The following SORCS3 variants were observed in gnomAD, a reference collection of about 807,000 sequenced individuals.
SORCS3 encodes the protein VPS10 domain-containing receptor SorCS3.
In SORCS3, 57 loss-of-function variants were observed where a neutral mutation model predicts 146.3. That is an observed-to-expected ratio of 0.39 (90% confidence interval 0.31 to 0.49). The LOEUF (loss-of-function observed/expected upper bound fraction) is 0.49. SORCS3 is among the 20% of genes least tolerant of loss of function. The pLI is 0.92. For missense variants in SORCS3, 1,341 were observed against 1,575.5 expected (o/e 0.85, Z 2.52); for synonymous variants, 653 against 618.5 (o/e 1.06, Z -0.83).
Position 105,200,119 on chromosome 10 carries a change from A to T in SORCS3, c.2127+3A>T. 1.2e-6 allele frequency: 2 copies of T among 1,609,118 alleles called. No individual in the cohort carries two copies. Among genetic ancestry groups the T allele is most frequent in the Non-Finnish European group, 1.7e-6 (2 of 1,175,724 alleles). ...AGACCTGGCACCTGCTCAATCAGGT[A>T]CACACCCCAGGGAGTTGGAGTGCTG... On this transcript the variant is annotated splice_donor_region_variant and intron_variant, in intron 15 of 26. Transcript: ENST00000369701.
At chr10:104,851,966 T>A (rs2018278256) in intron 2 of SORCS3, among the ~76,000 whole-genome samples, 1 of 152,236 alleles carries the variant, frequency 6.6e-6, no homozygotes, top group South Asian at 2.1e-4. Flanking sequence ...CTGTGAGATT[T>A]CTTTATAAGA....
intron 20 of SORCS3, among the ~76,000 whole-genome samples, chr10:105,242,318 ATATT>A (rs1245711159): frequency 7.8e-6 from 1 of 128,510 alleles, no homozygotes; most frequent in Non-Finnish European, 1.6e-5. Flanking sequence ...ATTTATATAT[ATATT>A]TATACATATA....
intron 20 of SORCS3, among the ~76,000 whole-genome samples, chr10:105,237,310 T>C (rs2056798274): frequency 6.6e-6 from 1 of 152,164 alleles, no homozygotes; most frequent in South Asian, 2.1e-4. Context: ...TTGTTGGTAA[T>C]GTCTGAGTAA....
chr10:105,129,056 C>A (rs938416053), intron 7 of SORCS3, among the ~76,000 whole-genome samples: 4 of 152,060 alleles, frequency 2.6e-5, no homozygotes, highest in Admixed American at 6.6e-5. Flanking sequence ...GACCTTCCAC[C>A]TTTTCCCTTC....
chr10:104,648,219 C>T (rs536956098), intron 1 of SORCS3, among the ~76,000 whole-genome samples: 4 of 152,286 alleles, frequency 2.6e-5, no homozygotes, highest in Middle Eastern at 6.8e-3. Flanking sequence ...ACTGGAAGTG[C>T]ACTTGGGAAT....
chr10:105,135,803 C>T (rs2056055018), intron 7 of SORCS3, among the ~76,000 whole-genome samples: 1 of 152,180 alleles, frequency 6.6e-6, no homozygotes, highest in African/African-American at 2.4e-5. Flanking sequence ...CCTCTAATTT[C>T]CAATACCTTA....
chr10:104,815,907 A>G (rs1012010357), intron 1 of SORCS3, among the ~76,000 whole-genome samples: 1 of 152,148 alleles, frequency 6.6e-6, no homozygotes, highest in East Asian at 1.9e-4. Flanking sequence ...CCAGTTTTCA[A>G]TTTGTAGTAA....
At chr10:104,916,081 T>A in intron 3 of SORCS3, 149 bp downstream of exon 3, 1 of 625,620 alleles carries the variant, frequency 1.6e-6, no homozygotes. Flanking sequence ...CTGTTTGTAA[T>A]TCTAACAACA....
At chr10:105,031,709 T>G (rs1397830273) in intron 4 of SORCS3, among the ~76,000 whole-genome samples, 1 of 152,220 alleles carries the variant, frequency 6.6e-6, no homozygotes, top group Non-Finnish European at 1.5e-5. Context: ...ACCTTTTGTT[T>G]CTGCTTCTGC....
At chr10:104,752,679 C>A (rs2017002606) in intron 1 of SORCS3, among the ~76,000 whole-genome samples, 1 of 152,146 alleles carries the variant, frequency 6.6e-6, no homozygotes, top group South Asian at 2.1e-4. Flanking sequence ...AACTTCCTTT[C>A]ATCAGCGCTT....
intron 7 of SORCS3, among the ~76,000 whole-genome samples, chr10:105,126,292 G>T (rs1342838837): frequency 6.6e-6 from 1 of 152,022 alleles, no homozygotes; most frequent in Non-Finnish European, 1.5e-5. Context: ...TACCTCTCCT[G>T]GTACCAACAA....
chr10:105,057,021 C>T (rs1338526781), intron 5 of SORCS3, among the ~76,000 whole-genome samples: 1 of 152,064 alleles, frequency 6.6e-6, no homozygotes, highest in Non-Finnish European at 1.5e-5. Flanking sequence ...GCAGAATATT[C>T]CACTGAATTG....
At chr10:105,049,009 G>A (rs894760649) in intron 5 of SORCS3, among the ~76,000 whole-genome samples, 2 of 151,864 alleles carry the variant, frequency 1.3e-5, no homozygotes, top group African/African-American at 4.8e-5. Context: ...CATTTTTGAT[G>A]ATCATAAGTA....
chr10:104,766,491 A>AG (rs2017181074), intron 1 of SORCS3, among the ~76,000 whole-genome samples: 1 of 152,114 alleles, frequency 6.6e-6, no homozygotes, highest in Non-Finnish European at 1.5e-5. Context: ...TGGGAAGAGG[A>AG]GGGGCTGTGT....
intron 7 of SORCS3, among the ~76,000 whole-genome samples, chr10:105,114,741 A>G (rs2055882091): frequency 1.5e-5 from 2 of 133,452 alleles, no homozygotes; most frequent in South Asian, 4.8e-4. Flanking sequence ...GTGTAGATCC[A>G]TCTACTACCC....
At chr10:104,733,178 G>A (rs1021233746) in intron 1 of SORCS3, among the ~76,000 whole-genome samples, 1 of 152,124 alleles carries the variant, frequency 6.6e-6, no homozygotes, top group South Asian at 2.1e-4. Context: ...ATGCCCCCAG[G>A]AGCCCTGAGA....
chr10:105,161,170 T>C (rs2056258930), intron 11 of SORCS3, among the ~76,000 whole-genome samples: 1 of 152,212 alleles, frequency 6.6e-6, no homozygotes, highest in African/African-American at 2.4e-5. Flanking sequence ...TTGAGGCTTT[T>C]TGCCATGCCC....
chr10:104,691,482 C>T lies in SORCS3; in HGVS notation c.627+49528C>T, dbSNP rs543919974. Among the ~76,000 whole-genome samples the T allele has an allele frequency of 1.1e-4, 17 of 152,342 alleles. No homozygotes were observed. The East Asian group carries it at 1.2e-3, about 10-fold the overall frequency. On this transcript the variant is annotated intron_variant, in intron 1 of 26. Transcript: ENST00000369701. ...TCTGGGAAGTGTTTCCGGATTCATT[C>T]GCCCAATGTGGGCCATTTAGTTTTC...
intron 1 of SORCS3, among the ~76,000 whole-genome samples, chr10:104,678,978 C>A (rs985730183): frequency 2.6e-5 from 4 of 152,056 alleles, no homozygotes; most frequent in African/African-American, 4.8e-5. Flanking sequence ...GGAGAGAAGA[C>A]TTTGGGAATG....
Sources: allele counts gnomAD v4.1 joint callset (sites outside exome capture counted in the v4.1 genomes callset), GRCh38; gene constraint gnomAD v4.1.1; transcripts MANE v1.5; gene names NCBI Gene and HGNC (gene_info 2026-07-23, HGNC 2026-07-21).